Variants in PLXDC2 observed in about 807,000 individuals in gnomAD.
PLXDC2 encodes the protein plexin domain-containing protein 2.
Under a neutral mutation model 68.9 loss-of-function variants are expected in PLXDC2, and 40 were observed. The ratio of observed to expected loss-of-function variants is 0.58; its 90% CI spans 0.45 to 0.76. The LOEUF is 0.76. Among genes scored for constraint, PLXDC2 ranks in the 30% least tolerant of loss-of-function variants. The probability of loss-of-function intolerance (pLI) is 0.00; values close to 1 mark genes in which losing one functional copy is unlikely to be tolerated. For synonymous variants in PLXDC2, 243 were observed against 234.2 expected (o/e 1.04, Z -0.34); for missense variants, 644 against 661.9 (o/e 0.97, Z 0.30).
intron 1 of PLXDC2, among the ~76,000 whole-genome samples, chr10:19,903,134 CTTTTTTTTTGTTA>C (rs1237433746): frequency 1.3e-5 from 2 of 150,970 alleles, no homozygotes; most frequent in African/African-American, 4.9e-5. Context: ...TCTGTAGGTT[CTTTTTTTTTGTTA>C]AGTCCTTTTC....
chr10:20,179,442 A>T (rs1485357610), intron 9 of PLXDC2, among the ~76,000 whole-genome samples: 1 of 152,116 alleles, frequency 6.6e-6, no homozygotes, highest in Non-Finnish European at 1.5e-5. Context: ...AATCATGCTA[A>T]AATTTGTCTA....
rs948437930 is a variant in PLXDC2 at position 20,279,939 on chromosome 10, T to C, written c.*120T>C. On this transcript the variant is annotated 3_prime_UTR_variant, in exon 14 of 14. Transcript: ENST00000377252. The stretch of plus-strand genomic sequence containing the variant: ...AAACAAGCTCTAAGCTGCTGTAGCC[T>C]GAAGAAGACAAGATTTCTGGACAAG... 7 of 737,686 alleles carry C rather than the reference T, an allele frequency of 9.5e-6. No individual in the cohort carries two copies. The highest frequency in any genetic ancestry group is 7.2e-5 in the Admixed American group (3 of 41,488). 45.7% of individuals were successfully genotyped at this position (737,686 alleles called of 1,614,324 possible).
intron 6 of PLXDC2, among the ~76,000 whole-genome samples, chr10:20,161,691 A>G (rs1834294350): frequency 6.6e-6 from 1 of 152,028 alleles, no homozygotes; most frequent in South Asian, 2.1e-4. Context: ...AAATAAAAAT[A>G]AAAGATGGCT....
intron 1 of PLXDC2, among the ~76,000 whole-genome samples, chr10:19,866,178 T>C (rs931172667): frequency 6.6e-6 from 1 of 152,236 alleles, no homozygotes; most frequent in Non-Finnish European, 1.5e-5. Context: ...TTATGTAGTC[T>C]TAGGGTATTC....
intron 1 of PLXDC2, among the ~76,000 whole-genome samples, chr10:19,868,252 T>A (rs540773619): frequency 3.3e-5 from 5 of 152,310 alleles, no homozygotes; most frequent in South Asian, 2.1e-4. Flanking sequence ...GGTAGTTTTT[T>A]TGATCCTCTC....
chr10:20,028,063 A>G (rs1449976134), intron 2 of PLXDC2, among the ~76,000 whole-genome samples: 1 of 152,240 alleles, frequency 6.6e-6, no homozygotes. Flanking sequence ...AAATTGAAAT[A>G]CTTTATAGAT....
chr10:20,279,904 A>T lies in PLXDC2; in HGVS notation c.*85A>T, dbSNP rs1405552513. On this transcript the variant is annotated 3_prime_UTR_variant, in exon 14 of 14. Coordinates refer to ENST00000377252, the MANE Select transcript of PLXDC2 (RefSeq NM_032812.9). ...CTATACCTTTAAGACAAACAAACAAACACACACACAAACAAGCTCTAAGCT... is the reference window on the plus strand; with the variant it reads ...CTATACCTTTAAGACAAACAAACAATCACACACACAAACAAGCTCTAAGCT... The T allele has an allele frequency of 1.0e-6, 1 of 964,748 alleles. No homozygotes were observed. The highest frequency in any genetic ancestry group is 1.6e-6 in the Non-Finnish European group (1 of 608,194). The allele number at this position is 964,748 out of a possible 1,614,324, so 59.8% of individuals were successfully genotyped here.
chr10:20,161,360 T>C (rs751517142), intron 6 of PLXDC2, among the ~76,000 whole-genome samples: 5 of 151,406 alleles, frequency 3.3e-5, no homozygotes, highest in Non-Finnish European at 7.4e-5. Context: ...GTGTCTTGTA[T>C]ACATCTGCAG....
chr10:20,050,266 A>G (rs1835869673), intron 3 of PLXDC2, among the ~76,000 whole-genome samples: 1 of 152,188 alleles, frequency 6.6e-6, no homozygotes, highest in African/African-American at 2.4e-5. Flanking sequence ...ACCCTGGAAG[A>G]CAACCTAGGC....
intron 7 of PLXDC2, among the ~76,000 whole-genome samples, chr10:20,172,959 A>C (rs1421803305): frequency 6.6e-6 from 1 of 152,232 alleles, no homozygotes; most frequent in Non-Finnish European, 1.5e-5. Context: ...AGATTTTAAA[A>C]ATGATTCTGG....
At chr10:20,243,665 A>G (rs1465235022) in intron 12 of PLXDC2, among the ~76,000 whole-genome samples, 1 of 152,018 alleles carries the variant, frequency 6.6e-6, no homozygotes, top group Non-Finnish European at 1.5e-5. Context: ...AAGGTAAAAT[A>G]AAAGAAAGAA....
chr10:20,126,814 T>TGTTATATATGTATATAG (rs1564325370), intron 4 of PLXDC2, among the ~76,000 whole-genome samples: 2 of 28,796 alleles, frequency 6.9e-5, no homozygotes, highest in Non-Finnish European at 7.9e-5. Context: ...TATGTATATA[T>TGTTATATATGTATATAG]AACATATATG....
intron 10 of PLXDC2, among the ~76,000 whole-genome samples, chr10:20,215,335 A>G (rs1218408712): frequency 2.0e-5 from 3 of 152,116 alleles, no homozygotes; most frequent in Admixed American, 1.3e-4. Context: ...TGGATTAGGT[A>G]AGAGCAAGAT....
In PLXDC2 at chr10:19,958,578, C is replaced by G; in HGVS notation, c.113-43197C>G. Among the ~76,000 whole-genome samples the G allele has an allele frequency of 1.3e-5, 2 of 151,858 alleles. 1 individual carries two copies. Among genetic ancestry groups the G allele is most frequent in the East Asian group, 3.9e-4 (2 of 5,184 alleles). On this transcript the variant is annotated intron_variant, in intron 1 of 13. Transcript: ENST00000377252. The stretch of plus-strand genomic sequence containing the variant: ...CTTGTTCTACATTTAATTGGAACTG[C>G]ATGTAAAATATGATTTTCCAGGGCA...
chr10:20,044,498 C>T (rs549646269), intron 2 of PLXDC2, among the ~76,000 whole-genome samples: 101 of 151,740 alleles, frequency 6.7e-4, no homozygotes, highest in African/African-American at 2.3e-3. Flanking sequence ...ATAGCGGAGA[C>T]GGGGTTTCAC....
intron 1 of PLXDC2, among the ~76,000 whole-genome samples, chr10:19,941,849 G>A (rs1318024183): frequency 6.6e-6 from 1 of 151,600 alleles, no homozygotes; most frequent in Non-Finnish European, 1.5e-5. Context: ...GTTTCACATA[G>A]CTCTTCTCAT....
At chr10:19,935,519 G>T (rs1229521441) in intron 1 of PLXDC2, among the ~76,000 whole-genome samples, 2 of 152,200 alleles carry the variant, frequency 1.3e-5, no homozygotes, top group Non-Finnish European at 2.9e-5. Flanking sequence ...TGGGAGCTCA[G>T]GCTGGACGTG....
rs1339640351 is a variant in PLXDC2 at position 20,016,624 on chromosome 10, G to A, written c.324+14638G>A. ...AGAAAGTGTTTACCTGGTGGCCATG[G>A]TGTCAAAATCTGTCTACTCTCAGGC... On this transcript the variant is annotated intron_variant, in intron 2 of 13. Coordinates refer to ENST00000377252, the MANE Select transcript of PLXDC2 (RefSeq NM_032812.9). 5.9e-5 allele frequency among the ~76,000 whole-genome samples: 9 copies of A among 152,300 alleles called. No homozygotes were observed. In the South Asian group the frequency reaches 1.9e-3, roughly 32 times the overall value.
At position 19,887,295 on chromosome 10, in the gene PLXDC2, T is replaced by C. The variant is rs148932000; in HGVS notation, c.112+70104T>C. ...CAGCACTTTGGGAGGCCGAGGCAGG[T>C]GGATCACTTGAGGTTAGGAGTTCGA... On this transcript the variant is annotated intron_variant, in intron 1 of 13. Transcript: ENST00000377252. 3.4e-3 allele frequency among the ~76,000 whole-genome samples: 523 copies of C among 152,090 alleles called. 13 individuals are homozygous for C. The highest frequency in any genetic ancestry group is 1.0e-3 in the Non-Finnish European group (68 of 67,976).
Sources: gnomAD v4.1 joint callset for allele counts (sites outside exome capture counted in the v4.1 genomes callset) on GRCh38, gnomAD v4.1.1 for gene constraint, MANE v1.5 for transcripts, NCBI Gene and HGNC (gene_info 2026-07-23, HGNC 2026-07-21) for gene names.